Variants in ZDHHC17 observed in about 807,000 individuals in gnomAD.
ZDHHC17 encodes the protein zDHHC palmitoyltransferase 17.
In ZDHHC17, 40 loss-of-function variants were observed where a neutral mutation model predicts 90.3. The observed-to-expected ratio is 0.44, with a 90% CI of 0.34 to 0.58. The LOEUF is 0.58. Ranked by LOEUF, ZDHHC17 falls within the 20% of genes least tolerant of loss-of-function variation. ZDHHC17 has a pLI of 0.01. For missense variants in ZDHHC17, 614 were observed against 780.8 expected (o/e 0.79, Z 2.55); for synonymous variants, 235 against 252.4 (o/e 0.93, Z 0.65).
intron 3 of ZDHHC17, among the ~76,000 whole-genome samples, chr12:76,807,208 C>G (rs984971520): frequency 6.6e-6 from 1 of 152,170 alleles, no homozygotes; most frequent in Non-Finnish European, 1.5e-5. Context: ...AGAAAGCGTT[C>G]GAGCACTGTC....
intron 1 of ZDHHC17, among the ~76,000 whole-genome samples, chr12:76,793,607 T>C (rs987108986): frequency 2.6e-5 from 4 of 152,180 alleles, no homozygotes; most frequent in African/African-American, 9.7e-5. Flanking sequence ...TTTTGCTTAT[T>C]TTATCCAAAT....
chr12:76,845,175 G>A (rs1439387801), intron 12 of ZDHHC17: 1 of 152,078 alleles, frequency 6.6e-6, no homozygotes, highest in Non-Finnish European at 1.5e-5. Context: ...AGAAATAGAT[G>A]TGTACATATG....
At chr12:76,832,838 AACAAG>A (rs1242589228) in intron 10 of ZDHHC17, among the ~76,000 whole-genome samples, 1 of 152,370 alleles carries the variant, frequency 6.6e-6, no homozygotes, top group African/African-American at 2.4e-5. Context: ...TGAGAACTAA[AACAAG>A]ACAGAATGTT....
chr12:76,772,575 G>A (rs1325643980), intron 1 of ZDHHC17, among the ~76,000 whole-genome samples: 3 of 137,590 alleles, frequency 2.2e-5, no homozygotes, highest in Non-Finnish European at 4.6e-5. Context: ...TAGCTTTGTC[G>A]CCAGGCTGGA....
chr12:76,840,873 TTA>T (rs1953426983), intron 10 of ZDHHC17: 1 of 152,216 alleles, frequency 6.6e-6, no homozygotes, highest in Admixed American at 6.5e-5. Flanking sequence ...TATTTACATG[TTA>T]CGTTGGCACC....
At chr12:76,811,186 C>G (rs1448730416) in intron 5 of ZDHHC17, among the ~76,000 whole-genome samples, 1 of 152,160 alleles carries the variant, frequency 6.6e-6, no homozygotes, top group Non-Finnish European at 1.5e-5. Context: ...GAAGGGACCA[C>G]ACAAGGGTGT....
At chr12:76,827,110 C>A in intron 9 of ZDHHC17, 60 bp downstream of exon 9, 1 of 1,456,780 alleles carries the variant, frequency 6.9e-7, no homozygotes. Flanking sequence ...AATTTGTACT[C>A]TTGTATAAAA....
intron 9 of ZDHHC17, among the ~76,000 whole-genome samples, chr12:76,827,692 A>G (rs1953245692): frequency 6.6e-6 from 1 of 152,108 alleles, no homozygotes; most frequent in East Asian, 1.9e-4. Context: ...AATTCTGAAA[A>G]TAATTCACAC....
chr12:76,837,620 A>G (rs975314838), intron 10 of ZDHHC17, among the ~76,000 whole-genome samples: 2 of 152,178 alleles, frequency 1.3e-5, no homozygotes, highest in Admixed American at 6.5e-5. Flanking sequence ...TCTTTTCAGG[A>G]TGCAGTATTT....
In ZDHHC17 at chr12:76,815,903, C is replaced by T; in HGVS notation, c.655C>T (p.Leu219Phe). 1 of 1,576,800 alleles carries T rather than the reference C, an allele frequency of 6.3e-7. No individual in the cohort carries two copies. The change falls in exon 7 of 17, where the codon CTT becomes TTT. Residue 219 changes from leucine to phenylalanine, a missense_variant. Leu to Phe is a conservative substitution (Grantham distance 22, BLOSUM62 0). Around this residue, in one of 5 missense-constraint regions of ZDHHC17, gnomAD observed 358 missense variants for 380.4 expected, o/e 0.94. Coordinates refer to ENST00000426126, the MANE Select transcript of ZDHHC17 (RefSeq NM_015336.4). ...TTTAACATTCAATGTTTCAGTTAAC[C>T]TTGGTGACAAGTATCACAAAAACAC... ...LLLTFNVSVN[L>F]GDKYHKNTAL... is the part of the protein sequence containing the mutation.
intron 1 of ZDHHC17, among the ~76,000 whole-genome samples, chr12:76,793,485 A>G (rs1482961335): frequency 6.6e-6 from 1 of 152,168 alleles, no homozygotes. Context: ...ATGCCACTGC[A>G]CTCCAGCCTG....
chr12:76,822,759 G>A (rs1356339931), intron 8 of ZDHHC17, among the ~76,000 whole-genome samples: 2 of 151,416 alleles, frequency 1.3e-5, no homozygotes, highest in Admixed American at 6.6e-5. Flanking sequence ...GGGTTTCACC[G>A]TGTTGGCCAT....
At chr12:76,774,346 A>G (rs1292213900) in intron 1 of ZDHHC17, among the ~76,000 whole-genome samples, 1 of 152,084 alleles carries the variant, frequency 6.6e-6, no homozygotes, top group Non-Finnish European at 1.5e-5. Context: ...ACACACACAC[A>G]CACACGCCCC....
chr12:76,779,023 C>T (rs1279800625), intron 1 of ZDHHC17, among the ~76,000 whole-genome samples: 1 of 152,182 alleles, frequency 6.6e-6, no homozygotes, highest in Admixed American at 6.5e-5. Context: ...CCAATGGCCT[C>T]ATGTTAATTT....
intron 1 of ZDHHC17, among the ~76,000 whole-genome samples, chr12:76,767,735 C>T (rs1420548629): frequency 1.3e-5 from 2 of 152,092 alleles, no homozygotes; most frequent in Admixed American, 6.5e-5. Context: ...ACCTGACCAA[C>T]ATGGAGAAAC....
At chr12:76,842,163 A>T (rs978528927) in intron 11 of ZDHHC17, 57 bp downstream of exon 11, 1 of 1,463,838 alleles carries the variant, frequency 6.8e-7, no homozygotes, top group Admixed American at 2.4e-5. Context: ...CAGTATTTAC[A>T]GCAGACATTA....
At chr12:76,805,561 T>C in intron 3 of ZDHHC17, 122 bp downstream of exon 3, 2 of 912,484 alleles carry the variant, frequency 2.2e-6, no homozygotes, top group Non-Finnish European at 3.2e-6. Context: ...AGATAGATTC[T>C]GTGTACCTTG....
At chr12:76,787,394 G>A (rs1283927493) in intron 1 of ZDHHC17, among the ~76,000 whole-genome samples, 7 of 152,148 alleles carry the variant, frequency 4.6e-5, no homozygotes, top group African/African-American at 1.4e-4. Context: ...AATCAAGTGG[G>A]CATTTTTATC....
At chr12:76,847,747 A>G (rs1953512479) in intron 14 of ZDHHC17, among the ~76,000 whole-genome samples, 1 of 152,056 alleles carries the variant, frequency 6.6e-6, no homozygotes, top group African/African-American at 2.4e-5. Context: ...AGTCCCAGCT[A>G]CTCAGGTGGC....
Sources: allele counts gnomAD v4.1 joint callset (sites outside exome capture counted in the v4.1 genomes callset), GRCh38; gene constraint gnomAD v4.1.1; regional missense constraint gnomAD v4.1.1; transcripts MANE v1.5; gene names NCBI Gene and HGNC (gene_info 2026-07-23, HGNC 2026-07-21).